Variants in TASP1 observed in about 807,000 individuals in gnomAD.
TASP1 encodes the protein threonine aspartase 1.
Under a neutral mutation model 56.6 loss-of-function variants are expected in TASP1, and 16 were observed. The observed-to-expected ratio is 0.28, with a 90% CI of 0.19 to 0.43. The LOEUF (loss-of-function observed/expected upper bound fraction) is 0.43. Ranked by LOEUF, TASP1 falls within the 20% of genes least tolerant of loss-of-function variation. The probability of loss-of-function intolerance (pLI) is 1.00; values close to 1 mark genes in which losing one functional copy is unlikely to be tolerated. For synonymous variants in TASP1, 179 were observed against 184.2 expected, an observed-to-expected ratio of 0.97 and a Z score of 0.23; for missense variants, 393 against 511.6, an observed-to-expected ratio of 0.77 and a Z score of 2.24.
chr20:13,286,241 G>C, the TASP1 span, among the ~76,000 whole-genome samples: 3 of 151,978 alleles, frequency 2.0e-5, no homozygotes, highest in Non-Finnish European at 2.9e-5. Context: ...TCTCTGACAA[G>C]TGTGCAATTG....
the TASP1 span, among the ~76,000 whole-genome samples, chr20:13,371,780 GT>G: frequency 6.6e-6 from 1 of 152,096 alleles, no homozygotes; most frequent in Non-Finnish European, 1.5e-5. Context: ...TGAATTGTCT[GT>G]TTTTCCCCTC....
intron 13 of TASP1, among the ~76,000 whole-genome samples, chr20:13,412,299 G>C (rs1568765356): frequency 6.6e-6 from 1 of 152,192 alleles, no homozygotes; most frequent in Non-Finnish European, 1.5e-5. Context: ...TGTTGAGTTT[G>C]ACTCCTCCTC....
chr20:13,190,765 G>A, the TASP1 span, among the ~76,000 whole-genome samples: 1 of 151,990 alleles, frequency 6.6e-6, no homozygotes, highest in East Asian at 1.9e-4. Flanking sequence ...CTTCCGCATG[G>A]CAAAGGAACC....
the TASP1 span, among the ~76,000 whole-genome samples, chr20:13,331,773 T>C: frequency 6.6e-6 from 1 of 152,250 alleles, no homozygotes; most frequent in Admixed American, 6.5e-5. Flanking sequence ...AGTATTTTTT[T>C]AACTTTACTC....
At chr20:13,243,788 G>A in the TASP1 span, among the ~76,000 whole-genome samples, 1 of 152,176 alleles carries the variant, frequency 6.6e-6, no homozygotes, top group Admixed American at 6.5e-5. Flanking sequence ...GCAAAACATG[G>A]TTTCAGTAGG....
chr20:13,280,683 C>G, the TASP1 span, among the ~76,000 whole-genome samples: 86 of 152,282 alleles, frequency 5.6e-4, no homozygotes, highest in African/African-American at 2.0e-3. Context: ...GGAACACACA[C>G]TCGTAAGGCC....
intron 13 of TASP1, among the ~76,000 whole-genome samples, chr20:13,409,072 A>G (rs762038306): frequency 6.6e-6 from 1 of 152,058 alleles, no homozygotes; most frequent in Non-Finnish European, 1.5e-5. Context: ...CTTTTCTACC[A>G]TAAGTATTTA....
At chr20:13,235,585 G>A in the TASP1 span, among the ~76,000 whole-genome samples, 4 of 152,194 alleles carry the variant, frequency 2.6e-5, no homozygotes, top group Non-Finnish European at 5.9e-5. Flanking sequence ...AGTTAGAGCT[G>A]GAGAAAGCTC....
At chr20:13,257,378 G>C in the TASP1 span, among the ~76,000 whole-genome samples, 1 of 152,122 alleles carries the variant, frequency 6.6e-6, no homozygotes, top group African/African-American at 2.4e-5. Flanking sequence ...TTAGCCAAGC[G>C]TGGTGGTGGA....
chr20:13,212,489 C>T, the TASP1 span, among the ~76,000 whole-genome samples: 1 of 152,108 alleles, frequency 6.6e-6, no homozygotes, highest in Non-Finnish European at 1.5e-5. Flanking sequence ...ATTACCATCA[C>T]GTTGTTAACT....
At chr20:13,202,397 T>C in the TASP1 span, among the ~76,000 whole-genome samples, 1 of 152,260 alleles carries the variant, frequency 6.6e-6, no homozygotes, top group Non-Finnish European at 1.5e-5. Context: ...GTATTACTTT[T>C]GCTTGTAATA....
chr20:13,603,417 A>G (rs1372912954), intron 4 of TASP1, among the ~76,000 whole-genome samples: 2 of 151,254 alleles, frequency 1.3e-5, no homozygotes, highest in African/African-American at 4.9e-5. Context: ...TGGTACACGC[A>G]TGTAGTCCCA....
intron 12 of TASP1, among the ~76,000 whole-genome samples, chr20:13,422,061 C>T (rs2042458140): frequency 1.3e-5 from 2 of 150,056 alleles, no homozygotes; most frequent in Admixed American, 6.7e-5. Context: ...ACGCCATTCT[C>T]CTGCCTCAGC....
intron 8 of TASP1, among the ~76,000 whole-genome samples, chr20:13,558,366 T>C (rs2046233142): frequency 6.6e-6 from 1 of 152,200 alleles, no homozygotes; most frequent in African/African-American, 2.4e-5. Context: ...TATTTTCTTA[T>C]ACTTACACTC....
At chr20:13,590,401 C>T (rs567673698) in intron 4 of TASP1, among the ~76,000 whole-genome samples, 3 of 152,106 alleles carry the variant, frequency 2.0e-5, no homozygotes, top group African/African-American at 7.2e-5. Flanking sequence ...ATAATATGGC[C>T]CACAACCAGA....
intron 8 of TASP1, among the ~76,000 whole-genome samples, chr20:13,534,828 C>G (rs142245305): frequency 2.6e-5 from 4 of 152,086 alleles, no homozygotes; most frequent in Non-Finnish European, 4.4e-5. Context: ...GACTATGAGC[C>G]GCTGTCTCCT....
rs774667672 is a variant in TASP1 at position 13,483,206 on chromosome 20, T to A, written c.985+21A>T. ...AATAATCCATATTTAGAAGATGTAA[T>A]CTTCTTAATGTTATACTTACTGATA... On this transcript the variant is annotated intron_variant, in intron 11 of 13. Transcript: ENST00000337743. 5 of 1,504,994 alleles carry A rather than the reference T, an allele frequency of 3.3e-6. No individual in the cohort carries two copies. In the Admixed American group the frequency reaches 1.0e-4, roughly 31 times the overall value. 93.2% of individuals were successfully genotyped at this position (1,504,994 alleles called of 1,614,324 possible). A position where few individuals can be genotyped will look rare whatever the true frequency, so the allele number is the denominator to read the frequency against.
chr20:13,166,544 A>G, the TASP1 span: 1 of 152,230 alleles, frequency 6.6e-6, no homozygotes, highest in South Asian at 2.1e-4. Flanking sequence ...ACTTTTCTCA[A>G]TGAAACTGAT....
intron 12 of TASP1, among the ~76,000 whole-genome samples, chr20:13,420,227 C>T (rs2042388929): frequency 6.6e-6 from 1 of 152,028 alleles, no homozygotes; most frequent in Admixed American, 6.5e-5. Context: ...ATGTATTATT[C>T]TCCCTATAAA....
Sources: allele counts gnomAD v4.1 joint callset (sites outside exome capture counted in the v4.1 genomes callset), GRCh38; gene constraint gnomAD v4.1.1; transcripts MANE v1.5; gene names NCBI Gene and HGNC (gene_info 2026-07-23, HGNC 2026-07-21).